CA10: variants seen among roughly 807,000 people sequenced by gnomAD.
The protein encoded by CA10 is carbonic anhydrase-related protein 10.
In CA10, 14 loss-of-function variants were observed where a neutral mutation model predicts 44.2. The ratio of observed to expected loss-of-function variants is 0.32; its 90% CI spans 0.21 to 0.50. The LOEUF (loss-of-function observed/expected upper bound fraction) is 0.50, where lower values mean the gene tolerates loss of function less well. Among genes scored for constraint, CA10 ranks in the 20% least tolerant of loss-of-function variants. The pLI, the probability that CA10 is intolerant of heterozygous loss-of-function variation, is 0.99. For synonymous variants in CA10, 159 were observed against 141.6 expected (o/e 1.12, Z -0.87); for missense variants, 350 against 409.7 (o/e 0.85, Z 1.26).
intron 2 of CA10, among the ~76,000 whole-genome samples, chr17:51,933,338 T>C (rs564207506): frequency 6.6e-6 from 1 of 152,170 alleles, no homozygotes; most frequent in Non-Finnish European, 1.5e-5. Context: ...GTCAGAGATA[T>C]AAAGATATAC....
intron 3 of CA10, among the ~76,000 whole-genome samples, chr17:51,816,827 T>G (rs866678192): frequency 9.9e-5 from 15 of 152,102 alleles, no homozygotes; most frequent in African/African-American, 3.1e-4. Flanking sequence ...CACACCAGAC[T>G]GTCAAAGAGG....
intron 3 of CA10, among the ~76,000 whole-genome samples, chr17:51,797,072 C>T (rs1906738768): frequency 6.6e-6 from 1 of 152,176 alleles, no homozygotes; most frequent in Admixed American, 6.5e-5. Flanking sequence ...AGAACAGCTG[C>T]CCATCAGAAG....
At chr17:52,038,660 A>G (rs1986684038) in intron 2 of CA10, among the ~76,000 whole-genome samples, 1 of 152,148 alleles carries the variant, frequency 6.6e-6, no homozygotes, top group African/African-American at 2.4e-5. Context: ...GCCTCATACA[A>G]TTGTGATGAG....
intron 2 of CA10, among the ~76,000 whole-genome samples, chr17:52,060,651 G>C (rs1461147958): frequency 6.6e-6 from 1 of 151,968 alleles, no homozygotes; most frequent in African/African-American, 2.4e-5. Flanking sequence ...TGTCTAGAGA[G>C]AAGATAGATT....
Position 51,853,705 on chromosome 17 carries a change from C to T in CA10, c.279+77285G>A, listed in dbSNP as rs561622064. Among the ~76,000 whole-genome samples the T allele has an allele frequency of 4.6e-5, 7 of 152,208 alleles. No homozygotes were observed. In the South Asian group the frequency reaches 6.2e-4, roughly 14 times the overall value. On this transcript the variant is annotated intron_variant, in intron 3 of 8. Coordinates refer to ENST00000451037, the MANE Select transcript of CA10 (RefSeq NM_020178.5). The stretch of plus-strand genomic sequence containing the variant: ...CTCAAATTGTAATCTCCACGTGTCG[C>T]GGGAGGGAGGTGAATGGATCATGGG...
intron 4 of CA10, among the ~76,000 whole-genome samples, chr17:51,717,810 CACGTATATATAT>C (rs1567815548): frequency 2.8e-4 from 4 of 14,148 alleles, no homozygotes; most frequent in African/African-American, 1.0e-3. Flanking sequence ...TATATATATA[CACGTATATATAT>C]GTGTGTGTAT....
chr17:51,649,684 G>A (rs567055531), intron 5 of CA10, among the ~76,000 whole-genome samples: 1 of 152,186 alleles, frequency 6.6e-6, no homozygotes, highest in African/African-American at 2.4e-5. Flanking sequence ...AACCAGGCAT[G>A]CTCATGCAAA....
At chr17:52,086,326 G>C (rs1473432393) in intron 1 of CA10, among the ~76,000 whole-genome samples, 1 of 152,154 alleles carries the variant, frequency 6.6e-6, no homozygotes, top group Non-Finnish European at 1.5e-5. Context: ...TTGGCATATA[G>C]CTCTCCAAGT....
At chr17:51,648,700 A>C (rs550912758) in intron 6 of CA10, among the ~76,000 whole-genome samples, 1 of 152,182 alleles carries the variant, frequency 6.6e-6, no homozygotes, top group Non-Finnish European at 1.5e-5. Context: ...CTCTACATCC[A>C]TGGGCCACAC....
intron 2 of CA10, among the ~76,000 whole-genome samples, chr17:51,935,755 TTA>T (rs1167639413): frequency 6.6e-6 from 1 of 152,162 alleles, no homozygotes; most frequent in African/African-American, 2.4e-5. Context: ...AAAGCAAAAC[TTA>T]TCAGCTGCTT....
intron 2 of CA10, among the ~76,000 whole-genome samples, chr17:51,979,692 A>G (rs1024310858): frequency 2.0e-5 from 3 of 152,148 alleles, no homozygotes; most frequent in African/African-American, 7.2e-5. Flanking sequence ...GTTCAATAAT[A>G]TATTCTACTT....
intron 4 of CA10, among the ~76,000 whole-genome samples, chr17:51,738,427 C>T (rs1916984302): frequency 6.6e-6 from 1 of 152,158 alleles, no homozygotes; most frequent in Non-Finnish European, 1.5e-5. Flanking sequence ...GAGATTTAAA[C>T]TGCACAAAAG....
intron 2 of CA10, among the ~76,000 whole-genome samples, chr17:51,950,501 G>A (rs979306954): frequency 6.6e-6 from 1 of 152,084 alleles, no homozygotes; most frequent in Non-Finnish European, 1.5e-5. Context: ...ACCCTTGCAG[G>A]GCTATGGATG....
chr17:51,939,548 G>C (rs1598128866), intron 2 of CA10, among the ~76,000 whole-genome samples: 1 of 152,172 alleles, frequency 6.6e-6, no homozygotes, highest in East Asian at 1.9e-4. Flanking sequence ...AATGTGTGAT[G>C]CATCCATTTC....
intron 4 of CA10, among the ~76,000 whole-genome samples, chr17:51,728,466 T>G (rs1389234212): frequency 3.3e-5 from 5 of 152,210 alleles, no homozygotes; most frequent in Non-Finnish European, 5.9e-5. Flanking sequence ...CTGTGATAGA[T>G]CCTCAGTCTT....
intron 1 of CA10, among the ~76,000 whole-genome samples, chr17:52,151,120 T>G (rs1473430462): frequency 5.3e-5 from 8 of 152,088 alleles, no homozygotes; most frequent in Non-Finnish European, 1.0e-4. Flanking sequence ...ACAAACCTGA[T>G]TACGTCATTT....
chr17:51,732,882 T>C (rs545533978), intron 4 of CA10, among the ~76,000 whole-genome samples: 2 of 152,154 alleles, frequency 1.3e-5, no homozygotes, highest in South Asian at 2.1e-4. Flanking sequence ...ATGGGGAGAA[T>C]TGAGAATAAG....
chr17:52,018,802 A>G (rs1338511888), intron 2 of CA10, among the ~76,000 whole-genome samples: 1 of 152,074 alleles, frequency 6.6e-6, no homozygotes, highest in African/African-American at 2.4e-5. Context: ...ATATTTTGCC[A>G]TTTCCAAATC....
At chr17:51,835,633 C>G (rs1908449775) in intron 3 of CA10, among the ~76,000 whole-genome samples, 1 of 152,112 alleles carries the variant, frequency 6.6e-6, no homozygotes, top group Non-Finnish European at 1.5e-5. Context: ...TCCTTGGTGC[C>G]AAGAAATGGA....
Sources: gnomAD v4.1 joint callset for allele counts (sites outside exome capture counted in the v4.1 genomes callset) on GRCh38, gnomAD v4.1.1 for gene constraint, MANE v1.5 for transcripts, NCBI Gene and HGNC (gene_info 2026-07-23, HGNC 2026-07-21) for gene names.